Variants in IL1RAPL1 observed in about 807,000 individuals in gnomAD.
IL1RAPL1 encodes the protein interleukin 1 receptor accessory protein like 1.
Under a neutral mutation model 48.4 loss-of-function variants are expected in IL1RAPL1, and 3 were observed. The observed-to-expected ratio is 0.06, with a 90% CI of 0.03 to 0.16. IL1RAPL1 has a LOEUF of 0.16. Ranked by LOEUF, IL1RAPL1 falls within the 10% of genes least tolerant of loss-of-function variation. The pLI is 1.00. For missense variants in IL1RAPL1, 349 were observed against 530.6 expected, an observed-to-expected ratio of 0.66 and a Z score of 3.36; for synonymous variants, 185 against 187.7, an observed-to-expected ratio of 0.99 and a Z score of 0.12.
At chrX:29,602,172 G>A (rs765707078) in intron 5 of IL1RAPL1, among the ~76,000 whole-genome samples, 26 of 108,199 alleles carry the variant, frequency 2.4e-4, no homozygotes, top group Non-Finnish European at 4.3e-4. Flanking sequence ...TAGTATAGAC[G>A]GGGTTTCACC....
intron 5 of IL1RAPL1, among the ~76,000 whole-genome samples, chrX:29,490,630 A>G (rs1025257717): frequency 3.6e-5 from 4 of 111,751 alleles, no homozygotes; most frequent in African/African-American, 1.3e-4. Context: ...CAAGCTACAA[A>G]ATAGGAAAGA....
At chrX:29,503,700 A>G (rs373091818) in intron 5 of IL1RAPL1, among the ~76,000 whole-genome samples, 2 of 110,823 alleles carry the variant, frequency 1.8e-5, no homozygotes, top group East Asian at 5.7e-4. Context: ...CCCAAGCTGG[A>G]GTGCAGTGGC....
chrX:28,756,682 C>A (rs1936109256), intron 1 of IL1RAPL1, among the ~76,000 whole-genome samples: 1 of 111,857 alleles, frequency 8.9e-6, no homozygotes, highest in South Asian at 3.7e-4. Context: ...CTTGTACAGT[C>A]TCAAAATAAG....
chrX:29,527,430 C>T (rs1229483094), intron 5 of IL1RAPL1, among the ~76,000 whole-genome samples: 1 of 101,625 alleles, frequency 9.8e-6, no homozygotes, highest in Non-Finnish European at 2.0e-5. Context: ...CTCCGCATCC[C>T]GGGTTCAAGT....
At chrX:28,681,610 G>A (rs906882545) in intron 1 of IL1RAPL1, among the ~76,000 whole-genome samples, 19 of 111,512 alleles carry the variant, frequency 1.7e-4, no homozygotes, top group African/African-American at 5.5e-4. Context: ...TAACTACAAT[G>A]AAAGATACTT....
At chrX:29,750,380 A>G (rs1176444239) in intron 6 of IL1RAPL1, among the ~76,000 whole-genome samples, 2 of 111,102 alleles carry the variant, frequency 1.8e-5, no homozygotes, top group Non-Finnish European at 3.8e-5. Context: ...AATTGTGAGT[A>G]AGTGGTTATA....
intron 2 of IL1RAPL1, among the ~76,000 whole-genome samples, chrX:29,051,054 TAC>T (rs1481558092): frequency 8.9e-6 from 1 of 112,400 alleles, no homozygotes. Flanking sequence ...GGACTGTGTC[TAC>T]ACAGATACTT....
At chrX:29,081,020 C>CTCTTTTCTTTTCTTTTCT (rs1555960745) in intron 2 of IL1RAPL1, among the ~76,000 whole-genome samples, 4 of 41,912 alleles carry the variant, frequency 9.5e-5, no homozygotes, top group Admixed American at 3.3e-4. Flanking sequence ...CTCTCTCTCT[C>CTCTTTTCTTTTCTTTTCT]TTTCTTTTCT....
At chrX:28,831,026 C>CTCTCTCTGTG (rs1438889606) in intron 2 of IL1RAPL1, among the ~76,000 whole-genome samples, 32 of 33,647 alleles carry the variant, frequency 9.5e-4, no homozygotes, top group East Asian at 2.3e-3. Flanking sequence ...CTCTCTCTCT[C>CTCTCTCTGTG]TGTGTGTGTG....
At chrX:29,707,232 A>G (rs932786383) in intron 6 of IL1RAPL1, among the ~76,000 whole-genome samples, 3 of 111,724 alleles carry the variant, frequency 2.7e-5, no homozygotes, top group African/African-American at 3.3e-5. Context: ...TAAAACCACA[A>G]TGCAGTACCA....
intron 5 of IL1RAPL1, among the ~76,000 whole-genome samples, chrX:29,481,668 G>A (rs1455061913): frequency 8.9e-6 from 1 of 111,933 alleles, no homozygotes; most frequent in African/African-American, 3.3e-5. Flanking sequence ...GGGCAGAGCT[G>A]TTAAATGGCC....
intron 4 of IL1RAPL1, among the ~76,000 whole-genome samples, 184 bp downstream of exon 4, chrX:29,396,628 A>T (rs146326087): frequency 8.9e-6 from 1 of 112,091 alleles, no homozygotes. Flanking sequence ...ATTCTAGTCA[A>T]TGTTTGTATT....
At chrX:29,422,224 G>C (rs993472049) in intron 5 of IL1RAPL1, among the ~76,000 whole-genome samples, 1 of 111,700 alleles carries the variant, frequency 9.0e-6, no homozygotes, top group South Asian at 3.8e-4. Context: ...GTCTTCCACA[G>C]AGGGGAAGAA....
At chrX:29,252,236 G>T (rs1233173979) in intron 2 of IL1RAPL1, among the ~76,000 whole-genome samples, 3 of 110,706 alleles carry the variant, frequency 2.7e-5, no homozygotes, top group Non-Finnish European at 5.7e-5. Flanking sequence ...TGCACATTGT[G>T]CACATGTACC....
intron 6 of IL1RAPL1, among the ~76,000 whole-genome samples, chrX:29,836,435 C>T (rs141754229): frequency 0.035 from 3,881 of 111,204 alleles, 155 homozygotes; most frequent in African/African-American, 0.12. Context: ...GTCATCCGCC[C>T]GCCTTGGCCT....
chrX:28,989,638 A>G (rs774763495), intron 2 of IL1RAPL1, among the ~76,000 whole-genome samples: 1 of 112,370 alleles, frequency 8.9e-6, no homozygotes, highest in African/African-American at 3.2e-5. Flanking sequence ...GTGTCAAACA[A>G]TTATATAGAT....
chrX:28,947,987 G>A (rs1924352774), intron 2 of IL1RAPL1, among the ~76,000 whole-genome samples: 1 of 111,000 alleles, frequency 9.0e-6, no homozygotes, highest in Admixed American at 9.6e-5. Flanking sequence ...GGCTATTAAT[G>A]TTTCTTCCAA....
chrX:29,855,009 G>A (rs751426559), intron 6 of IL1RAPL1, among the ~76,000 whole-genome samples: 1 of 111,425 alleles, frequency 9.0e-6, no homozygotes, highest in African/African-American at 3.3e-5. Context: ...ATCTGTCTTC[G>A]TAAATTATAG....
At chrX:28,895,773 C>T (rs1254987567) in intron 2 of IL1RAPL1, among the ~76,000 whole-genome samples, 3 of 111,318 alleles carry the variant, frequency 2.7e-5, no homozygotes, top group Non-Finnish European at 5.7e-5. Flanking sequence ...AGGGGACGGA[C>T]TTACCCTCCA....
Sources: allele counts gnomAD v4.1 joint callset (sites outside exome capture counted in the v4.1 genomes callset), GRCh38; gene constraint gnomAD v4.1.1; transcripts MANE v1.5; gene names NCBI Gene and HGNC (gene_info 2026-07-23, HGNC 2026-07-21).